PIEZO2: variants seen among roughly 807,000 people sequenced by gnomAD.
PIEZO2 encodes piezo type mechanosensitive ion channel component 2, also known as piezo-type mechanosensitive ion channel component 2.
In PIEZO2, 172 loss-of-function variants were observed where a neutral mutation model predicts 337.3. The observed-to-expected ratio is 0.51, with a 90% CI of 0.45 to 0.58. PIEZO2 has a LOEUF of 0.58. PIEZO2 is among the 20% of genes least tolerant of loss of function. The pLI is 0.00. For missense variants in PIEZO2, 3,028 were observed against 3,391.3 expected, an observed-to-expected ratio of 0.89 and a Z score of 2.66; for synonymous variants, 1,251 against 1,228.5, an observed-to-expected ratio of 1.02 and a Z score of -0.38.
intron 39 of PIEZO2, among the ~76,000 whole-genome samples, chr18:10,712,937 C>T (rs1215334973): frequency 2.0e-5 from 3 of 152,194 alleles, no homozygotes; most frequent in Admixed American, 1.3e-4. Flanking sequence ...GATGAAATAT[C>T]TGTGTCTTTG....
chr18:10,791,514 G>T, intron 13 of PIEZO2, 190 bp from the exon 14 acceptor site: 1 of 518,058 alleles, frequency 1.9e-6, no homozygotes, highest in Non-Finnish European at 3.0e-6. Context: ...TTCCGAGGAT[G>T]CTCCCATGTT....
rs2042877697 is a variant in PIEZO2 at position 10,895,601 on chromosome 18, T to C, written c.329+15585A>G. 2.0e-5 allele frequency among the ~76,000 whole-genome samples: 3 copies of C among 151,882 alleles called. No homozygotes were observed. Among genetic ancestry groups the C allele is most frequent in the African/African-American group, 7.3e-5 (3 of 41,346 alleles). On this transcript the variant is annotated intron_variant, in intron 4 of 55. Coordinates refer to ENST00000674853, the MANE Select transcript of PIEZO2 (RefSeq NM_001378183.1). This position sits in a 1 kb window ranked among gnomAD's most constrained non-coding sequence, Gnocchi z 4.8. ...GCAGCAGTAGCAGTGCCGTGTGGGG[T>C]TGGTGATTGTGGGGTTGCCTCACTC...
At position 10,736,699 on chromosome 18, in the gene PIEZO2, C is replaced by T. The variant is rs2037009651; in HGVS notation, c.4720G>A (p.Gly1574Arg). ...WVDHASMVRS[G>R]DYYLFETDSE... ...TCCGTTTCAAACAAATAATAATCTCCACTCCTGACCACTAAGCAAAACAAA... is the reference window on the plus strand; with the variant it reads ...TCCGTTTCAAACAAATAATAATCTCTACTCCTGACCACTAAGCAAAACAAA... The change falls in exon 34 of 56, where the codon GGA (glycine) becomes AGA (arginine). Residue 1574 changes from glycine (G) to arginine (R), a missense_variant. Gly to Arg is a moderately radical substitution (Grantham distance 125). This residue lies in a region of PIEZO2 where 1,925 missense variants were observed against 2,051.9 expected (regional missense o/e 0.94). Coordinates refer to ENST00000674853, the MANE Select transcript of PIEZO2 (RefSeq NM_001378183.1). The T allele has an allele frequency of 2.0e-6, 3 of 1,536,292 alleles. No homozygotes were observed.
intron 39 of PIEZO2, among the ~76,000 whole-genome samples, chr18:10,711,960 G>A (rs534814392): frequency 2.1e-5 from 3 of 146,274 alleles, no homozygotes; most frequent in East Asian, 2.0e-4. Flanking sequence ...AGTGGGATGC[G>A]TGTGAATGTT....
intron 42 of PIEZO2, among the ~76,000 whole-genome samples, chr18:10,703,141 T>C (rs1444790360): frequency 6.6e-6 from 1 of 152,194 alleles, no homozygotes; most frequent in East Asian, 1.9e-4. Context: ...GCCAGAAATA[T>C]TTTATTTTTA....
intron 3 of PIEZO2, among the ~76,000 whole-genome samples, chr18:10,914,617 T>A (rs372987028): frequency 6.6e-6 from 1 of 152,196 alleles, no homozygotes; most frequent in African/African-American, 2.4e-5. Flanking sequence ...AATTTCGATC[T>A]GAGGTCAGTT....
chr18:10,714,644 G>T, intron 39 of PIEZO2, 120 bp downstream of exon 39: 1 of 1,114,216 alleles, frequency 9.0e-7, no homozygotes, highest in South Asian at 1.5e-5. Flanking sequence ...GCTGGAAGAG[G>T]GTGGGGGTCC....
chr18:10,748,640 C>G lies in PIEZO2; in HGVS notation c.4265-10G>C. 2 of 1,429,954 alleles carry G rather than the reference C, an allele frequency of 1.4e-6. No individual in the cohort carries two copies. Among genetic ancestry groups the G allele is most frequent in the Admixed American group, 3.1e-5 (1 of 31,842 alleles). 88.6% of individuals were successfully genotyped at this position (1,429,954 alleles called of 1,614,324 possible). On this transcript the variant is annotated splice_polypyrimidine_tract_variant and intron_variant, in intron 29 of 55. Transcript: ENST00000674853. This position sits in a 1 kb window ranked among gnomAD's most constrained non-coding sequence, Gnocchi z 5.1. ...GGTGAATTAGCAGCAGCTATAGTAA[C>G]AGTAGAAAAACACACATTAAAATTA...
At chr18:10,885,651 T>C (rs1378400417) in intron 4 of PIEZO2, among the ~76,000 whole-genome samples, 1 of 152,172 alleles carries the variant, frequency 6.6e-6, no homozygotes, top group Non-Finnish European at 1.5e-5. Flanking sequence ...ATTGGGAACC[T>C]TGACTGTTTT....
In PIEZO2 at chr18:11,148,663, G is replaced by T. The variant is rs966780381; in HGVS notation, c.-75C>A. ...AGGGGTGGTGGGACGCAAGGCCCAT[G>T]CCCGTCTATGGCCTCTCGCCGCCGG... On this transcript the variant is annotated 5_prime_UTR_variant, in exon 1 of 56. Coordinates refer to ENST00000674853, the MANE Select transcript of PIEZO2 (RefSeq NM_001378183.1). This position sits in a 1 kb window ranked among gnomAD's most constrained non-coding sequence, Gnocchi z 5.2. 3.6e-5 allele frequency: 52 copies of T among 1,462,540 alleles called. No homozygotes were observed. In the Admixed American group the frequency reaches 5.9e-4, roughly 17 times the overall value. 90.6% of individuals were successfully genotyped at this position (1,462,540 alleles called of 1,614,324 possible).
chr18:10,973,056 T>A lies in PIEZO2; in HGVS notation c.286+6479A>T, dbSNP rs1199452467. 6.6e-6 allele frequency among the ~76,000 whole-genome samples: 1 copy of A among 152,210 alleles called. No individual in the cohort carries two copies. The highest frequency in any genetic ancestry group is 1.5e-5 in the Non-Finnish European group (1 of 68,048). Reference sequence around the variant, plus strand: ...CCAAGATCCTAAATTTTCTCATATATTAAATAGCATAAAAATTGTCATGAA... The same window carrying A: ...CCAAGATCCTAAATTTTCTCATATAATAAATAGCATAAAAATTGTCATGAA... On this transcript the variant is annotated intron_variant, in intron 3 of 55. Transcript: ENST00000674853. The surrounding 1 kb of genome is among the most constrained non-coding windows in gnomAD (Gnocchi z 4.9).
chr18:11,026,431 G>A (rs1290717220), intron 2 of PIEZO2, among the ~76,000 whole-genome samples: 1 of 151,912 alleles, frequency 6.6e-6, no homozygotes, highest in African/African-American at 2.4e-5. Context: ...TGACTTCCCC[G>A]TTCCCGGAGT....
chr18:10,746,922 T>A lies in PIEZO2; in HGVS notation c.4424+1549A>T, dbSNP rs145358545. On this transcript the variant is annotated intron_variant, in intron 30 of 55. Coordinates refer to ENST00000674853, the MANE Select transcript of PIEZO2 (RefSeq NM_001378183.1). The surrounding 1 kb of genome is among the most constrained non-coding windows in gnomAD (Gnocchi z 4.2). ...TGTCCGCCCAAATGGACTGAGACGA[T>A]ACCAGGTGTACTGTAGTAGAATTGC... 1.2e-3 allele frequency among the ~76,000 whole-genome samples: 179 copies of A among 152,318 alleles called. No homozygotes were observed. Among genetic ancestry groups the A allele is most frequent in the African/African-American group, 4.1e-3 (172 of 41,576 alleles).
intron 2 of PIEZO2, among the ~76,000 whole-genome samples, chr18:11,057,662 A>C (rs573959203): frequency 1.7e-3 from 258 of 152,288 alleles, no homozygotes; most frequent in African/African-American, 6.1e-3. Context: ...AGAAGAAACC[A>C]AGTGACCAGT....
rs2036294044 is a variant in PIEZO2 at position 11,021,133 on chromosome 18, T to C, written c.161-41473A>G. 6.6e-6 allele frequency among the ~76,000 whole-genome samples: 1 copy of C among 152,146 alleles called. No homozygotes were observed. ...CTCACAGGCCTGGACTATGATTCTCTTCCGTTACATCATGAAAGAAACTCT... is the reference window on the plus strand; with the variant it reads ...CTCACAGGCCTGGACTATGATTCTCCTCCGTTACATCATGAAAGAAACTCT... On this transcript the variant is annotated intron_variant, in intron 2 of 55. Coordinates refer to ENST00000674853, the MANE Select transcript of PIEZO2 (RefSeq NM_001378183.1). The surrounding 1 kb of genome is among the most constrained non-coding windows in gnomAD (Gnocchi z 4.7).
At position 10,789,227 on chromosome 18, in the gene PIEZO2, A is replaced by T. The variant is rs896288098; in HGVS notation, c.2021T>A (p.Val674Asp). The T allele has an allele frequency of 1.1e-5, 17 of 1,537,298 alleles. No individual in the cohort carries two copies. Among genetic ancestry groups the T allele is most frequent in the Middle Eastern group, 1.7e-4 (1 of 5,992 alleles). ...EEEDEQDIMK[V>D]LGNLVVAMFI... is the part of the protein sequence containing the mutation. ...CATGGCCACCACCAGATTGCCCAGG[A>T]CTTTCATGATGTCCTGCTCATCTTC... The change falls in exon 15 of 56, where the codon GTC (valine) becomes GAC (aspartate). Residue 674 changes from valine (V) to aspartate (D), a missense_variant. Transcript: ENST00000674853.
intron 3 of PIEZO2, among the ~76,000 whole-genome samples, chr18:10,948,918 T>A (rs1368377651): frequency 1.3e-5 from 2 of 152,210 alleles, no homozygotes; most frequent in African/African-American, 4.8e-5. Flanking sequence ...TGTGAGGGTG[T>A]TACGGCCTGT....
intron 49 of PIEZO2, among the ~76,000 whole-genome samples, chr18:10,684,144 CTG>C (rs2034416575): frequency 8.7e-6 from 1 of 114,324 alleles, no homozygotes; most frequent in Non-Finnish European, 1.7e-5. Flanking sequence ...CTTTCTTTCT[CTG>C]TCTTTCCTCT....
intron 1 of PIEZO2, among the ~76,000 whole-genome samples, chr18:11,145,152 T>C (rs943071602): frequency 6.6e-6 from 1 of 152,228 alleles, no homozygotes; most frequent in African/African-American, 2.4e-5. Flanking sequence ...ACTTAGCAAC[T>C]AGTCACAGAT....
Sources: gnomAD v4.1 joint callset for allele counts (sites outside exome capture counted in the v4.1 genomes callset) on GRCh38, gnomAD v4.1.1 for gene constraint, gnomAD v4.1.1 regional missense constraint, Gnocchi (gnomAD v3.1) non-coding constraint, MANE v1.5 for transcripts, NCBI Gene and HGNC (gene_info 2026-07-23, HGNC 2026-07-21) for gene names.